The following ABL1 variants were observed in gnomAD, a reference collection of about 807,000 sequenced individuals.
ABL1 encodes the protein tyrosine-protein kinase ABL1.
A neutral mutation model predicts 94.7 loss-of-function variants in ABL1; 11 were observed. The observed-to-expected ratio is 0.12, with a 90% confidence interval of 0.07 to 0.19. The LOEUF (loss-of-function observed/expected upper bound fraction) is 0.19. Among genes scored for constraint, ABL1 ranks in the 10% least tolerant of loss-of-function variants. ABL1 has a pLI of 1.00. For synonymous variants in ABL1, 656 were observed against 622.4 expected (o/e 1.05, Z -0.80); for missense variants, 1,082 against 1,489.4 (o/e 0.73, Z 4.50).
intron 1 of ABL1, among the ~76,000 whole-genome samples, chr9:130,718,743 A>G (rs567579994): frequency 2.0e-5 from 3 of 152,260 alleles, no homozygotes; most frequent in Admixed American, 6.5e-5. Context: ...AATTAGCCAG[A>G]CGTGTTATCA....
At chr9:130,775,373 A>G (rs1832298827) in intron 1 of ABL1, among the ~76,000 whole-genome samples, 1 of 152,232 alleles carries the variant, frequency 6.6e-6, no homozygotes, top group Non-Finnish European at 1.5e-5. Context: ...AAAAACATTT[A>G]AAGAAATAAA....
At chr9:130,844,839 G>A (rs1463737691) in intron 1 of ABL1, among the ~76,000 whole-genome samples, 5 of 152,192 alleles carry the variant, frequency 3.3e-5, no homozygotes, top group African/African-American at 1.2e-4. Flanking sequence ...GTTTCTACCA[G>A]AGACAGTCAC....
chr9:130,796,984 TC>T (rs1213137155), intron 1 of ABL1, among the ~76,000 whole-genome samples: 1 of 141,928 alleles, frequency 7.0e-6, no homozygotes, highest in Non-Finnish European at 1.5e-5. Flanking sequence ...ACGCCTGTAA[TC>T]CCAGCATTTT....
intron 1 of ABL1, among the ~76,000 whole-genome samples, chr9:130,717,085 T>A (rs1297369092): frequency 6.6e-6 from 1 of 151,906 alleles, no homozygotes; most frequent in African/African-American, 2.4e-5. Flanking sequence ...CTGTGTTGTC[T>A]AGGCTGGAGT....
At chr9:130,836,222 G>A (rs979742467) in intron 1 of ABL1, among the ~76,000 whole-genome samples, 2 of 152,204 alleles carry the variant, frequency 1.3e-5, no homozygotes, top group African/African-American at 4.8e-5. Context: ...GGGGTGTCAT[G>A]TTCGTTTCCT....
At chr9:130,793,426 T>G (rs1829934145) in intron 1 of ABL1, among the ~76,000 whole-genome samples, 1 of 152,196 alleles carries the variant, frequency 6.6e-6, no homozygotes, top group South Asian at 2.1e-4. Flanking sequence ...TATCATGAAT[T>G]TTAAATTGGT....
rs1385165992 is a variant in ABL1, at chr9:130,885,109, C to G, written c.2819C>G (p.Ala940Gly). ...AKTKATSLVD[A>G]VNSDAAKPSQ... ...ACAAAAGCCACGAGTCTGGTTGATGCTGTGAACAGTGACGCTGCCAAGCCC... is the reference window on the plus strand; with the variant it reads ...ACAAAAGCCACGAGTCTGGTTGATGGTGTGAACAGTGACGCTGCCAAGCCC... The change falls in exon 11 of 11, where the codon GCT becomes GGT. Residue 940 changes from alanine (A) to glycine (G), a missense_variant. Physicochemically the swap from Ala to Gly is moderately conservative, Grantham distance 60. Transcript: ENST00000318560. The G allele has an allele frequency of 4.3e-6, 7 of 1,611,846 alleles. No homozygotes were observed. The highest frequency in any genetic ancestry group is 1.3e-5 in the African/African-American group (1 of 74,916).
intron 1 of ABL1, among the ~76,000 whole-genome samples, chr9:130,764,816 C>T (rs1439598992): frequency 6.6e-6 from 1 of 151,980 alleles, no homozygotes. Context: ...ATTAGCTGGG[C>T]GTGGTGGCGC....
At chr9:130,834,774 C>T (rs1217197526), upstream of ABL1, 3 of 434,402 alleles carry the variant, frequency 6.9e-6, no homozygotes, top group African/African-American at 6.1e-5. Flanking sequence ...GACTTCCTCC[C>T]CAGACACCCA....
intron 1 of ABL1, among the ~76,000 whole-genome samples, chr9:130,772,590 C>T (rs571497363): frequency 1.7e-4 from 26 of 152,080 alleles, no homozygotes; most frequent in Non-Finnish European, 3.2e-4. Flanking sequence ...GAGGAGGAGA[C>T]GGGATCTGGG....
chr9:130,716,932 C>T (rs1306279045), intron 1 of ABL1, among the ~76,000 whole-genome samples: 2 of 151,650 alleles, frequency 1.3e-5, no homozygotes, highest in Non-Finnish European at 2.9e-5. Flanking sequence ...GAATTTTTAT[C>T]TGCCTCTGTG....
chr9:130,852,930 G>A (rs915573588), intron 1 of ABL1, among the ~76,000 whole-genome samples: 1 of 150,630 alleles, frequency 6.6e-6, no homozygotes, highest in Non-Finnish European at 1.5e-5. Flanking sequence ...CTGGAAGGAC[G>A]GGTGGGGTGT....
chr9:130,716,458 C>G (rs73553823), intron 1 of ABL1, among the ~76,000 whole-genome samples: 148 of 152,188 alleles, frequency 9.7e-4, no homozygotes, highest in African/African-American at 3.4e-3. Context: ...TACATTTTGA[C>G]CCTTGTGTAT....
intron 1 of ABL1, among the ~76,000 whole-genome samples, chr9:130,774,576 C>T (rs988739086): frequency 1.3e-5 from 2 of 152,130 alleles, no homozygotes; most frequent in Admixed American, 6.5e-5. Context: ...GTGATTCTAG[C>T]ACTTTGGAAG....
rs1317298713 is a variant in ABL1 at position 130,885,551 on chromosome 9, C to T, written c.3261C>T (p.Ile1087=). 5 of 1,614,032 alleles carry T rather than the reference C, an allele frequency of 3.1e-6. No homozygotes were observed. The highest frequency in any genetic ancestry group is 4.2e-6 in the Non-Finnish European group (5 of 1,180,060). The change falls in exon 11 of 11, where the codon ATC becomes ATT. Residue 1087 remains isoleucine, a synonymous_variant. Coordinates refer to ENST00000318560, the MANE Select transcript of ABL1 (RefSeq NM_005157.6). ...MRNKFAFREA[I]NKLENNLREL... ...ACAAGTTTGCCTTCCGAGAGGCCAT[C>T]AACAAACTGGAGAATAATCTCCGGG...
At chr9:130,820,149 A>G (rs1830340694) in intron 1 of ABL1, among the ~76,000 whole-genome samples, 1 of 152,104 alleles carries the variant, frequency 6.6e-6, no homozygotes, top group Admixed American at 6.5e-5. Context: ...TACTACCTAG[A>G]CATTTTCCTA....
At position 130,835,340 on chromosome 9, in the gene ABL1, C is replaced by T; in HGVS notation, c.-107C>T. ...GCGGGGCGGCGGTGAGGGCGGCTGGCGGGGCCGGGGGCGCCGGGGGGGCGC... is the reference window on the plus strand; with the variant it reads ...GCGGGGCGGCGGTGAGGGCGGCTGGTGGGGCCGGGGGCGCCGGGGGGGCGC... On this transcript the variant is annotated 5_prime_UTR_variant, in exon 1 of 11. Transcript: ENST00000318560. The surrounding 1 kb of genome is among the most constrained non-coding windows in gnomAD (Gnocchi z 4.6). 3.3e-6 allele frequency: 1 copy of T among 304,968 alleles called. No individual in the cohort carries two copies. Among genetic ancestry groups the T allele is most frequent in the South Asian group, 1.6e-4 (1 of 6,370 alleles). 18.9% of individuals were successfully genotyped at this position (304,968 alleles called of 1,614,324 possible).
rs35372291 is a variant in ABL1, at chr9:130,877,870, G to A, written c.1271-545G>A. Among the ~76,000 whole-genome samples the A allele has an allele frequency of 5.8e-4, 87 of 149,698 alleles. 3 individuals carry two copies. The East Asian group carries it at 6.3e-3, about 11-fold the overall frequency. On this transcript the variant is annotated intron_variant, in intron 7 of 10. Coordinates refer to ENST00000318560, the MANE Select transcript of ABL1 (RefSeq NM_005157.6). ...CACCCAGCCTGGAGTGCAGTGGCGC[G>A]ATCTTGATCTTGGCTCACTGCAAGC...
At chr9:130,849,936 C>T (rs1830830323) in intron 1 of ABL1, among the ~76,000 whole-genome samples, 1 of 152,180 alleles carries the variant, frequency 6.6e-6, no homozygotes, top group Admixed American at 6.5e-5. Flanking sequence ...GTCAAGAATG[C>T]TCTGCCTCAC....
Sources: allele counts gnomAD v4.1 joint callset (sites outside exome capture counted in the v4.1 genomes callset), GRCh38; gene constraint gnomAD v4.1.1; non-coding constraint Gnocchi (gnomAD v3.1); transcripts MANE v1.5; gene names NCBI Gene and HGNC (gene_info 2026-07-23, HGNC 2026-07-21).